AATF: variants seen among roughly 807,000 people sequenced by gnomAD.
AATF encodes protein AATF.
Under a neutral mutation model 63.7 loss-of-function variants are expected in AATF, and 48 were observed. The observed-to-expected ratio is 0.75, with a 90% CI of 0.60 to 0.96. The LOEUF is 0.96. Among genes scored for constraint, AATF ranks in the 40% least tolerant of loss-of-function variants. AATF has a pLI of 0.00. For synonymous variants in AATF, 258 were observed against 247.7 expected (o/e 1.04, Z -0.39); for missense variants, 639 against 685.7 (o/e 0.93, Z 0.76).
intron 10 of AATF, among the ~76,000 whole-genome samples, chr17:37,030,987 T>C (rs931073202): frequency 1.3e-5 from 2 of 152,250 alleles, no homozygotes; most frequent in African/African-American, 2.4e-5. Context: ...AAAGCACAAG[T>C]GTACCTGTTC....
chr17:37,046,032 G>A (rs1005811098), intron 11 of AATF: 2 of 152,008 alleles, frequency 1.3e-5, no homozygotes, highest in African/African-American at 4.8e-5. Flanking sequence ...TCAATTAATA[G>A]GCATACAGTC....
At chr17:36,953,998 GT>G (rs2070878869) in intron 4 of AATF, 91 bp downstream of exon 4, 3 of 1,295,844 alleles carry the variant, frequency 2.3e-6, no homozygotes, top group Non-Finnish European at 3.1e-6. Flanking sequence ...CTTGAGCCAT[GT>G]TTATTGTGCT....
chr17:36,964,463 C>T (rs747040516), intron 4 of AATF, among the ~76,000 whole-genome samples: 10 of 151,790 alleles, frequency 6.6e-5, no homozygotes, highest in South Asian at 2.1e-4. Flanking sequence ...GCCAAGATTG[C>T]GCCACCGCAC....
chr17:37,025,815 A>G (rs368030746), intron 10 of AATF, among the ~76,000 whole-genome samples: 2 of 152,346 alleles, frequency 1.3e-5, no homozygotes, highest in East Asian at 3.9e-4. Flanking sequence ...GCCCCACAGT[A>G]ATAATTTTTG....
chr17:37,056,733 A>G lies in AATF; in HGVS notation c.*69A>G, dbSNP rs2071802366. On this transcript the variant is annotated 3_prime_UTR_variant, in exon 12 of 12. Transcript: ENST00000619387. ...GCTGCTGGTCCAGATGGAGGAAACC[A>G]GTGACTTTATGGGGCTGAGCTAGTA... The G allele has an allele frequency of 7.2e-6, 11 of 1,535,478 alleles. No individual in the cohort carries two copies. In the East Asian group the frequency reaches 2.5e-4, roughly 35 times the overall value.
intron 11 of AATF, among the ~76,000 whole-genome samples, chr17:37,044,958 G>A (rs1418424833): frequency 6.6e-6 from 1 of 152,214 alleles, no homozygotes; most frequent in Non-Finnish European, 1.5e-5. Flanking sequence ...TCTGGACTCT[G>A]CTTTCAGGAT....
At chr17:37,035,536 T>G (rs968408335) in intron 11 of AATF, among the ~76,000 whole-genome samples, 2 of 150,176 alleles carry the variant, frequency 1.3e-5, no homozygotes, top group East Asian at 3.9e-4. Context: ...ACATTGTGTT[T>G]CCAACTTTTT....
At chr17:37,019,414 G>A (rs1597728009) in intron 9 of AATF, among the ~76,000 whole-genome samples, 1 of 152,184 alleles carries the variant, frequency 6.6e-6, no homozygotes, top group Non-Finnish European at 1.5e-5. Flanking sequence ...TCAGCTGTCA[G>A]AACATGGCAC....
chr17:37,055,693 C>T (rs1419354183), intron 11 of AATF: 2 of 152,398 alleles, frequency 1.3e-5, no homozygotes, highest in Admixed American at 1.3e-4. Context: ...TTCTGCAGGG[C>T]GTGGACATGG....
At position 36,950,303 on chromosome 17, in the gene AATF, T is replaced by A. The variant is rs1348261927; in HGVS notation, c.181T>A (p.Ser61Thr). The A allele has an allele frequency of 6.2e-7, 1 of 1,614,144 alleles. No homozygotes were observed. Among genetic ancestry groups the A allele is most frequent in the Non-Finnish European group, 8.5e-7 (1 of 1,180,020 alleles). The change falls in exon 2 of 12, where the codon TCA becomes ACA. Residue 61 changes from serine to threonine, a missense_variant. Ser to Thr is a moderately conservative substitution (Grantham distance 58). Coordinates refer to ENST00000619387, the MANE Select transcript of AATF (RefSeq NM_012138.4). ...LVVGSIRKLA[S>T]ASLLDTDKRY... ...AGTGGGTAGCATTAGAAAACTGGCATCAGCCTCCCTCTTGGACACGGACAA... is the reference window on the plus strand; with the variant it reads ...AGTGGGTAGCATTAGAAAACTGGCAACAGCCTCCCTCTTGGACACGGACAA...
intron 11 of AATF, chr17:37,055,221 CTGT>C (rs2142334829): frequency 6.6e-6 from 1 of 152,338 alleles, no homozygotes; most frequent in Admixed American, 6.5e-5. Context: ...AATTGGAGGC[CTGT>C]TGTTTTCTGG....
chr17:36,977,954 A>T (rs956358693), intron 4 of AATF, among the ~76,000 whole-genome samples: 11 of 152,208 alleles, frequency 7.2e-5, no homozygotes, highest in Non-Finnish European at 1.5e-5. Context: ...ATTTATTGAC[A>T]TACTTCATCA....
At chr17:37,048,927 T>C (rs961391560) in intron 11 of AATF, among the ~76,000 whole-genome samples, 8 of 152,186 alleles carry the variant, frequency 5.3e-5, no homozygotes, top group African/African-American at 1.9e-4. Flanking sequence ...ATTTAGTCCC[T>C]CGTGTTGGTT....
At chr17:37,049,481 T>C (rs1224200369) in intron 11 of AATF, among the ~76,000 whole-genome samples, 1 of 151,950 alleles carries the variant, frequency 6.6e-6, no homozygotes, top group Admixed American at 6.6e-5. Context: ...GGCGGGCACC[T>C]GTAGTCCCAG....
At chr17:37,021,946 G>C (rs1469275660) in intron 10 of AATF, among the ~76,000 whole-genome samples, 1 of 152,054 alleles carries the variant, frequency 6.6e-6, no homozygotes, top group African/African-American at 2.4e-5. Flanking sequence ...TGTTAACAAA[G>C]TTATTAAATG....
chr17:36,986,972 T>C (rs117383800), intron 5 of AATF, among the ~76,000 whole-genome samples: 152 of 152,280 alleles, frequency 1.0e-3, no homozygotes, highest in Non-Finnish European at 1.8e-3. Flanking sequence ...TTTAGATCTA[T>C]TGGAATTAGA....
chr17:37,019,188 G>T, intron 9 of AATF, 116 bp downstream of exon 9: 1 of 806,866 alleles, frequency 1.2e-6, no homozygotes, highest in South Asian at 1.6e-5. Flanking sequence ...TTGAAGTTAA[G>T]CAAGTAAGAG....
At chr17:37,009,774 GC>G (rs1567982512) in intron 8 of AATF, among the ~76,000 whole-genome samples, 1 of 132,198 alleles carries the variant, frequency 7.6e-6, no homozygotes, top group Admixed American at 8.7e-5. Flanking sequence ...CCGAGATTGC[GC>G]CACTGCAGTC....
At chr17:36,986,849 C>A in intron 5 of AATF, 118 bp downstream of exon 5, 2 of 806,834 alleles carry the variant, frequency 2.5e-6, no homozygotes, top group Non-Finnish European at 3.9e-6. Context: ...AAAATAGAGT[C>A]TCATATTTAC....
Sources: gnomAD v4.1 joint callset for allele counts (sites outside exome capture counted in the v4.1 genomes callset) on GRCh38, gnomAD v4.1.1 for gene constraint, MANE v1.5 for transcripts, NCBI Gene and HGNC (gene_info 2026-07-23, HGNC 2026-07-21) for gene names.